Variants in RHOT2 observed in about 807,000 individuals in gnomAD.
RHOT2 encodes the protein mitochondrial Rho GTPase 2.
In RHOT2, 90 loss-of-function variants were observed where a neutral mutation model predicts 81.6. The observed-to-expected ratio is 1.10, with a 90% CI of 0.93 to 1.31. The LOEUF is 1.31. Ranked by LOEUF, RHOT2 falls within the 40% of genes most tolerant of loss-of-function variation. The pLI is 0.00. For synonymous variants in RHOT2, 512 were observed against 370.9 expected, an observed-to-expected ratio of 1.38 and a Z score of -4.37; for missense variants, 1,014 against 841.9, an observed-to-expected ratio of 1.20 and a Z score of -2.53.
At position 670,467 on chromosome 16, in the gene RHOT2, G is replaced by A. The variant is rs148641450; in HGVS notation, c.450G>A (p.Lys150=). 944 of 1,606,132 alleles carry A rather than the reference G, an allele frequency of 5.9e-4. No individual in the cohort carries two copies. Among genetic ancestry groups the A allele is most frequent in the Non-Finnish European group, 7.6e-4 (892 of 1,176,384 alleles). The change falls in exon 8 of 19, where the codon AAG becomes AAA. Residue 150 remains lysine (K), a synonymous_variant. Coordinates refer to ENST00000315082, the MANE Select transcript of RHOT2 (RefSeq NM_138769.3). ...TCCCACTTTCCCAGTGTTCGGCCAA[G>A]AACCTGAGGAACATCTCAGAGCTGT... is the stretch of plus-strand genomic sequence containing the variant. ...EIETCVECSA[K]NLRNISELFY...
Position 670,436 on chromosome 16 carries a change from G to A in RHOT2, c.439-20G>A, listed in dbSNP as rs955056589. On this transcript the variant is annotated intron_variant, in intron 7 of 18. Transcript: ENST00000315082. Reference sequence around the variant, plus strand: ...TGCCCTCCTCGGGGCACTTCCCTGAGGCTGTTCCCACTTTCCCAGTGTTCG... The same window carrying A: ...TGCCCTCCTCGGGGCACTTCCCTGAAGCTGTTCCCACTTTCCCAGTGTTCG... The A allele has an allele frequency of 3.7e-6, 6 of 1,606,404 alleles. No individual in the cohort carries two copies. In the African/African-American group the frequency reaches 8.0e-5, roughly 21 times the overall value.
At position 673,763 on chromosome 16, in the gene RHOT2, G is replaced by A; in HGVS notation, c.*157G>A. 2.2e-6 allele frequency: 2 copies of A among 902,746 alleles called. No homozygotes were observed. Among genetic ancestry groups the A allele is most frequent in the Non-Finnish European group, 1.6e-6 (1 of 610,062 alleles). 55.9% of individuals were successfully genotyped at this position (902,746 alleles called of 1,614,324 possible). On this transcript the variant is annotated 3_prime_UTR_variant, in exon 19 of 19. Transcript: ENST00000315082. ...CTGAAGGCAGTCGATCTGCAGCGGG[G>A]CCTTATGCTGCCATGCACTGCCCTG...
chr16:669,610 A>G lies in RHOT2; in HGVS notation c.276+4A>G. On this transcript the variant is annotated splice_donor_region_variant and intron_variant, in intron 5 of 18. Coordinates refer to ENST00000315082, the MANE Select transcript of RHOT2 (RefSeq NM_138769.3). ...TGAGGAGGCCACCATTGAGAAGGTGAGCCCTCAGTGCAGACCCCAACAGCA... is the reference window on the plus strand; with the variant it reads ...TGAGGAGGCCACCATTGAGAAGGTGGGCCCTCAGTGCAGACCCCAACAGCA... 1 of 1,611,496 alleles carries G rather than the reference A, an allele frequency of 6.2e-7. No homozygotes were observed. Among genetic ancestry groups the G allele is most frequent in the Non-Finnish European group, 8.5e-7 (1 of 1,179,770 alleles).
chr16:670,064 C>T, intron 5 of RHOT2, 59 bp from the exon 6 acceptor site: 1 of 1,470,962 alleles, frequency 6.8e-7, no homozygotes, highest in Non-Finnish European at 9.2e-7. Context: ...GCTCATGCTC[C>T]AGCTGGGAGC....
chr16:668,453 CG>C, intron 2 of RHOT2, 34 bp from the exon 3 acceptor site: 1 of 1,578,578 alleles, frequency 6.3e-7, no homozygotes, highest in Non-Finnish European at 8.6e-7. Flanking sequence ...CGGGCCCAGC[CG>C]GGGGTCCCTG....
chr16:673,470 T>G lies in RHOT2; in HGVS notation c.1731-10T>G. The G allele has an allele frequency of 6.2e-7, 1 of 1,612,612 alleles. No homozygotes were observed. The highest frequency in any genetic ancestry group is 8.5e-7 in the Non-Finnish European group (1 of 1,179,908). On this transcript the variant is annotated splice_polypyrimidine_tract_variant and intron_variant, in intron 18 of 18. Coordinates refer to ENST00000315082, the MANE Select transcript of RHOT2 (RefSeq NM_138769.3). ...CTGAGGTATCTGCAGATGATTCTTC[T>G]CTCTTGCAGACATTTGGTCCACGCA...
rs745974761 is a variant in RHOT2 at position 672,379 on chromosome 16, C to T, written c.1321C>T (p.Leu441=). Reference sequence around the variant, plus strand: ...CCTGCAGGCCTTTCTCGGCCGCGGCCTGGGGGTAAGCACCCTAGACTCCCC... The same window carrying T: ...CCTGCAGGCCTTTCTCGGCCGCGGCTTGGGGGTAAGCACCCTAGACTCCCC... ...AFLQAFLGRG[L]GHQDTREQPP... The change falls in exon 15 of 19, where the codon CTG becomes TTG. Residue 441 remains leucine (L), a synonymous_variant. Transcript: ENST00000315082. The T allele has an allele frequency of 6.2e-7, 1 of 1,609,842 alleles. No homozygotes were observed. The highest frequency in any genetic ancestry group is 1.1e-5 in the South Asian group (1 of 90,764).
intron 4 of RHOT2, 90 bp downstream of exon 4, chr16:668,789 G>T: frequency 7.3e-7 from 1 of 1,362,798 alleles, no homozygotes; most frequent in Non-Finnish European, 9.9e-7. Context: ...GAGGTGCTCC[G>T]GGTGTCCTTG....
In RHOT2 at chr16:673,495, A is replaced by G. The variant is rs1451780764; in HGVS notation, c.1746A>G (p.Ala582=). 6.2e-7 allele frequency: 1 copy of G among 1,612,690 alleles called. No individual in the cohort carries two copies. Among genetic ancestry groups the G allele is most frequent in the South Asian group, 1.1e-5 (1 of 91,090 alleles). Residue 582 remains alanine, a synonymous_variant, in exon 19 of 19, where the codon GCA becomes GCG. Coordinates refer to ENST00000315082, the MANE Select transcript of RHOT2 (RefSeq NM_138769.3). The part of the protein sequence containing the change: ...TMAAFPHLVH[A]ELHPSSFWLR... ...TCTCTTGCAGACATTTGGTCCACGC[A>G]GAGCTGCATCCCTCTTCCTTCTGGC...
intron 11 of RHOT2, 152 bp from the exon 12 acceptor site, chr16:671,545 C>T: frequency 2.3e-6 from 2 of 851,992 alleles, no homozygotes; most frequent in South Asian, 1.7e-5. Flanking sequence ...CCCTCCTCCC[C>T]TATCGCAGCT....
Position 672,336 on chromosome 16 carries a change from A to T in RHOT2, c.1278A>T (p.Gly426=), listed in dbSNP as rs771005653. 1.2e-6 allele frequency: 2 copies of T among 1,612,028 alleles called. No homozygotes were observed. The highest frequency in any genetic ancestry group is 1.7e-6 in the Non-Finnish European group (2 of 1,179,526). The stretch of plus-strand genomic sequence containing the variant: ...TGTGCAAGGTGGTAGGGGCCCGTGG[A>T]GTGGGCAAGTCTGCCTTCCTGCAGG... ...VLLCKVVGAR[G]VGKSAFLQAF... is the part of the protein sequence containing the mutation. The change falls in exon 15 of 19, where the codon GGA becomes GGT. Residue 426 remains glycine, a synonymous_variant. Transcript: ENST00000315082.
intron 9 of RHOT2, 32 bp downstream of exon 9, chr16:670,805 C>T (rs552215224): frequency 1.2e-6 from 2 of 1,608,152 alleles, no homozygotes; most frequent in South Asian, 1.1e-5. Flanking sequence ...GGTGCCCAGC[C>T]CCCTTGAACC....
chr16:669,959 C>G, intron 5 of RHOT2, 164 bp from the exon 6 acceptor site: 1 of 655,470 alleles, frequency 1.5e-6, no homozygotes, highest in East Asian at 2.8e-5. Context: ...GAGGCTGCAC[C>G]TGCTGCCTGC....
At position 673,767 on chromosome 16, in the gene RHOT2, T is replaced by C. The variant is rs920809956; in HGVS notation, c.*161T>C. The C allele has an allele frequency of 4.5e-6, 4 of 885,030 alleles. No homozygotes were observed. The East Asian group carries it at 1.1e-4, about 24-fold the overall frequency. 54.8% of individuals were successfully genotyped at this position (885,030 alleles called of 1,614,324 possible). Reference sequence around the variant, plus strand: ...AGGCAGTCGATCTGCAGCGGGGCCTTATGCTGCCATGCACTGCCCTGGCTC... The same window carrying C: ...AGGCAGTCGATCTGCAGCGGGGCCTCATGCTGCCATGCACTGCCCTGGCTC... On this transcript the variant is annotated 3_prime_UTR_variant, in exon 19 of 19. Transcript: ENST00000315082.
In RHOT2 at chr16:671,181, A is replaced by C. The variant is rs771588086; in HGVS notation, c.847A>C (p.Thr283Pro). 3 of 1,569,952 alleles carry C rather than the reference A, an allele frequency of 1.9e-6. No individual in the cohort carries two copies. The East Asian group carries it at 6.8e-5, about 35-fold the overall frequency. ...RFGYSDALEL[T>P]ADYLSPLIHV... ...CGGCTACAGCGATGCCCTGGAGCTG[A>C]CTGCGGACTATCTCTCCCCTCTGTG... The change falls in exon 11 of 19, where the codon ACT (threonine) becomes CCT (proline). Residue 283 changes from threonine to proline, a missense_variant. By Grantham distance (38) the Thr-to-Pro change is conservative. Transcript: ENST00000315082.
chr16:668,267 C>T (rs2038246336), intron 1 of RHOT2, 31 bp downstream of exon 1: 3 of 962,940 alleles, frequency 3.1e-6, no homozygotes, highest in South Asian at 2.5e-5. Context: ...CTCGGAGCTG[C>T]GGCGGCCGTG....
chr16:672,363 CT>C lies in RHOT2; in HGVS notation c.1308del (p.Leu437SerfsTer31). ...TGGGCAAGTCTGCCTTCCTGCAGGC[CT>C]TTCTCGGCCGCGGCCTGGGGGTAAG... is the stretch of plus-strand genomic sequence containing the variant. The part of the protein sequence containing the change: ...GVGKSAFLQA[F>X]LGRGLGHQDT... On this transcript the variant is annotated frameshift_variant, in exon 15 of 19. Coordinates refer to ENST00000315082, the MANE Select transcript of RHOT2 (RefSeq NM_138769.3). LOFTEE classifies it high-confidence loss of function. 1 of 1,610,866 alleles carries C rather than the reference CT, an allele frequency of 6.2e-7. No homozygotes were observed. The highest frequency in any genetic ancestry group is 1.3e-5 in the African/African-American group (1 of 74,996).
At position 668,719 on chromosome 16, in the gene RHOT2, CGAGG is replaced by C; in HGVS notation, c.222+26_222+29del. 1 of 1,581,702 alleles carries C rather than the reference CGAGG, an allele frequency of 6.3e-7. No homozygotes were observed. Among genetic ancestry groups the C allele is most frequent in the South Asian group, 1.1e-5 (1 of 87,088 alleles). On this transcript the variant is annotated intron_variant, in intron 4 of 18. Transcript: ENST00000315082. The stretch of plus-strand genomic sequence containing the variant: ...CACAAGGTACCCGTGGTGCGCGGGA[CGAGG>C]GAGGGGCTGGGCGCGGGCTCGGCCT...
Position 672,911 on chromosome 16 carries a change from C to G in RHOT2, c.1528-17C>G, listed in dbSNP as rs759973676. The G allele has an allele frequency of 6.2e-7, 1 of 1,612,738 alleles. No individual in the cohort carries two copies. Among genetic ancestry groups the G allele is most frequent in the Non-Finnish European group, 8.5e-7 (1 of 1,179,936 alleles). On this transcript the variant is annotated splice_polypyrimidine_tract_variant and intron_variant, in intron 17 of 18. Coordinates refer to ENST00000315082, the MANE Select transcript of RHOT2 (RefSeq NM_138769.3). Reference sequence around the variant, plus strand: ...GGCCACCCCAGGACTGTACCTCATACCACTCTCTGCCCACAGCACCATTAC... The same window carrying G: ...GGCCACCCCAGGACTGTACCTCATAGCACTCTCTGCCCACAGCACCATTAC...
Sources: gnomAD v4.1 joint callset for allele counts on GRCh38, gnomAD v4.1.1 for gene constraint, MANE v1.5 for transcripts, NCBI Gene and HGNC (gene_info 2026-07-23, HGNC 2026-07-21) for gene names.